ITFG1: variants seen among roughly 807,000 people sequenced by gnomAD.
ITFG1 encodes the protein T-cell immunomodulatory protein.
In ITFG1, 34 loss-of-function variants were observed where a neutral mutation model predicts 81.8. The ratio of observed to expected loss-of-function variants is 0.42; its 90% CI spans 0.32 to 0.55. The LOEUF (loss-of-function observed/expected upper bound fraction) is 0.55, where lower values mean the gene tolerates loss of function less well. ITFG1 is among the 20% of genes least tolerant of loss of function. The probability of loss-of-function intolerance (pLI) is 0.17; values close to 1 mark genes in which losing one functional copy is unlikely to be tolerated. For missense variants in ITFG1, 672 were observed against 755.4 expected, an observed-to-expected ratio of 0.89 and a Z score of 1.29; for synonymous variants, 285 against 270.6, an observed-to-expected ratio of 1.05 and a Z score of -0.52.
intron 5 of ITFG1, among the ~76,000 whole-genome samples, chr16:47,431,559 G>A (rs569450800): frequency 1.1e-4 from 16 of 152,270 alleles, no homozygotes; most frequent in Non-Finnish European, 1.6e-4. Flanking sequence ...GGCTTAGTGG[G>A]TACAGGGTTC....
intron 6 of ITFG1, among the ~76,000 whole-genome samples, chr16:47,413,523 T>C (rs2151603813): frequency 6.6e-6 from 1 of 152,266 alleles, no homozygotes; most frequent in South Asian, 2.1e-4. Flanking sequence ...GGAGAAATCC[T>C]GTCTCTATAA....
chr16:47,272,147 A>T (rs1452588297), intron 10 of ITFG1, among the ~76,000 whole-genome samples: 1 of 152,156 alleles, frequency 6.6e-6, no homozygotes, highest in Non-Finnish European at 1.5e-5. Context: ...AAGTCAAATA[A>T]ACCAGTCATA....
intron 6 of ITFG1, among the ~76,000 whole-genome samples, chr16:47,397,948 A>G (rs1968613320): frequency 6.6e-6 from 1 of 152,210 alleles, no homozygotes; most frequent in Admixed American, 6.5e-5. Flanking sequence ...GGGAGGCTTT[A>G]TATACACTTG....
chr16:47,316,513 T>A (rs993658476), intron 8 of ITFG1, among the ~76,000 whole-genome samples: 1 of 152,214 alleles, frequency 6.6e-6, no homozygotes, highest in African/African-American at 2.4e-5. Flanking sequence ...ATTCACAGTT[T>A]ACACACAAAC....
chr16:47,303,199 G>A (rs1450781700), intron 10 of ITFG1, among the ~76,000 whole-genome samples: 1 of 152,022 alleles, frequency 6.6e-6, no homozygotes, highest in South Asian at 2.1e-4. Flanking sequence ...TGAACCCAGG[G>A]GGCGGAGCTT....
At chr16:47,342,884 G>A (rs1967803469) in intron 8 of ITFG1, among the ~76,000 whole-genome samples, 1 of 152,074 alleles carries the variant, frequency 6.6e-6, no homozygotes, top group Non-Finnish European at 1.5e-5. Flanking sequence ...GTATTCAGAG[G>A]TTGGAACTAA....
At chr16:47,162,409 C>T in intron 15 of ITFG1, 131 bp downstream of exon 15, 2 of 810,218 alleles carry the variant, frequency 2.5e-6, no homozygotes, top group Non-Finnish European at 3.6e-6. Context: ...TTTCTTTATT[C>T]TTTAAAGGGA....
intron 6 of ITFG1, among the ~76,000 whole-genome samples, chr16:47,380,971 C>T (rs1205621258): frequency 6.6e-6 from 1 of 152,184 alleles, no homozygotes; most frequent in Non-Finnish European, 1.5e-5. Context: ...AATGCACATG[C>T]AGTTTCTTCC....
chr16:47,201,021 TA>T (rs1285280354), intron 14 of ITFG1, among the ~76,000 whole-genome samples: 1 of 152,216 alleles, frequency 6.6e-6, no homozygotes, highest in African/African-American at 2.4e-5. Context: ...TCAGGATTTT[TA>T]AAAACAACAG....
intron 8 of ITFG1, among the ~76,000 whole-genome samples, chr16:47,357,154 A>T (rs1208398409): frequency 1.8e-4 from 28 of 152,156 alleles, no homozygotes; most frequent in Non-Finnish European, 1.5e-5. Context: ...CAAATATTCC[A>T]ATTAATTTGT....
intron 14 of ITFG1, among the ~76,000 whole-genome samples, chr16:47,213,465 T>C (rs1443039103): frequency 6.6e-6 from 1 of 152,170 alleles, no homozygotes; most frequent in Admixed American, 6.6e-5. Context: ...CTTGCTGATT[T>C]TCCAACTGTT....
chr16:47,161,903 A>G (rs1596774930), intron 15 of ITFG1, 71 bp from the exon 16 acceptor site: 1 of 951,680 alleles, frequency 1.1e-6, no homozygotes, highest in East Asian at 2.6e-5. Context: ...CTAAATAAAT[A>G]ATGAAAAATC....
At chr16:47,195,343 C>G (rs1965345147) in intron 14 of ITFG1, among the ~76,000 whole-genome samples, 1 of 152,066 alleles carries the variant, frequency 6.6e-6, no homozygotes, top group Non-Finnish European at 1.5e-5. Flanking sequence ...AAAGGAGACC[C>G]TTGATTGTCA....
At chr16:47,225,828 G>A (rs1596819270) in intron 13 of ITFG1, among the ~76,000 whole-genome samples, 1 of 151,870 alleles carries the variant, frequency 6.6e-6, no homozygotes, top group Non-Finnish European at 1.5e-5. Context: ...ACACTAGACA[G>A]TAATTTGAAT....
chr16:47,282,873 C>G (rs942970359), intron 10 of ITFG1, among the ~76,000 whole-genome samples: 3 of 152,048 alleles, frequency 2.0e-5, no homozygotes, highest in African/African-American at 7.2e-5. Context: ...TTGTCAGTCA[C>G]TTGTATGTCT....
chr16:47,296,290 A>G (rs1363281616), intron 10 of ITFG1, among the ~76,000 whole-genome samples: 1 of 150,990 alleles, frequency 6.6e-6, no homozygotes, highest in Admixed American at 6.6e-5. Flanking sequence ...CTTCCCTCTT[A>G]GCACTGCTTT....
chr16:47,453,230 G>A (rs1170133209), intron 3 of ITFG1, among the ~76,000 whole-genome samples: 3 of 152,054 alleles, frequency 2.0e-5, no homozygotes, highest in Non-Finnish European at 2.9e-5. Flanking sequence ...ATAATGTATC[G>A]CGATTACTGT....
chr16:47,368,904 C>T (rs142405126), intron 7 of ITFG1, among the ~76,000 whole-genome samples: 6 of 152,246 alleles, frequency 3.9e-5, no homozygotes, highest in African/African-American at 7.2e-5. Flanking sequence ...GAAAAGAATA[C>T]GTTCTGGCCA....
At chr16:47,181,960 TG>T in intron 14 of ITFG1, among the ~76,000 whole-genome samples, 1 of 152,286 alleles carries the variant, frequency 6.6e-6, no homozygotes, top group Admixed American at 6.5e-5. Context: ...AGATGTGCTT[TG>T]TTAAACAGAT....
Sources: allele counts gnomAD v4.1 joint callset (sites outside exome capture counted in the v4.1 genomes callset), GRCh38; gene constraint gnomAD v4.1.1; transcripts MANE v1.5; gene names NCBI Gene and HGNC (gene_info 2026-07-23, HGNC 2026-07-21).